The following MIA3 variants were observed in gnomAD, a reference collection of about 807,000 sequenced individuals.
MIA3 encodes the protein MIA SH3 domain ER export factor 3, also known as transport and Golgi organization protein 1 homolog.
Under a neutral mutation model 192.4 loss-of-function variants are expected in MIA3, and 90 were observed. That is an observed-to-expected ratio of 0.47 (90% CI 0.39 to 0.56). MIA3 has a LOEUF of 0.56. Among genes scored for constraint, MIA3 ranks in the 20% least tolerant of loss-of-function variants. The probability of loss-of-function intolerance (pLI) is 0.00; values close to 1 mark genes in which losing one functional copy is unlikely to be tolerated. For synonymous variants in MIA3, 740 were observed against 792.8 expected, an observed-to-expected ratio of 0.93 and a Z score of 1.12; for missense variants, 2,123 against 2,269.4, an observed-to-expected ratio of 0.94 and a Z score of 1.31.
chr1:222,640,568 A>G (rs918711856), intron 6 of MIA3, among the ~76,000 whole-genome samples: 1 of 152,198 alleles, frequency 6.6e-6, no homozygotes, highest in African/African-American at 2.4e-5. Context: ...TTTATATGCA[A>G]AAAATTGATC....
intron 5 of MIA3, among the ~76,000 whole-genome samples, chr1:222,632,576 A>C (rs1662447674): frequency 6.6e-6 from 1 of 152,308 alleles, no homozygotes; most frequent in East Asian, 1.9e-4. Flanking sequence ...TCAATCTAAA[A>C]TATTATTCTT....
intron 1 of MIA3, among the ~76,000 whole-genome samples, chr1:222,620,849 G>A (rs543020724): frequency 6.6e-6 from 1 of 152,344 alleles, no homozygotes; most frequent in African/African-American, 2.4e-5. Flanking sequence ...AGAGGGAATC[G>A]AGAGTTTCAC....
intron 18 of MIA3, among the ~76,000 whole-genome samples, chr1:222,657,707 C>T (rs1200510002): frequency 6.6e-6 from 1 of 152,208 alleles, no homozygotes; most frequent in Non-Finnish European, 1.5e-5. Context: ...ACCTTTTACA[C>T]ATTCAGCTGT....
intron 6 of MIA3, among the ~76,000 whole-genome samples, chr1:222,634,791 A>G (rs1011279097): frequency 6.6e-6 from 1 of 152,220 alleles, no homozygotes; most frequent in African/African-American, 2.4e-5. Flanking sequence ...TTTTTCTGTT[A>G]AAATCCATGG....
At chr1:222,620,066 T>C (rs531158925) in intron 1 of MIA3, among the ~76,000 whole-genome samples, 1 of 152,324 alleles carries the variant, frequency 6.6e-6, no homozygotes, top group East Asian at 1.9e-4. Flanking sequence ...CTCAATTATA[T>C]CTGAGCTACA....
chr1:222,664,096 A>G lies in MIA3; in HGVS notation c.5361A>G (p.Pro1787=), dbSNP rs201465235. 17 of 1,614,114 alleles carry G rather than the reference A, an allele frequency of 1.1e-5. No homozygotes were observed. The highest frequency in any genetic ancestry group is 5.0e-5 in the Admixed American group (3 of 60,012). Residue 1787 remains proline (P), a synonymous_variant, in exon 27 of 28, where the codon CCA becomes CCG. Coordinates refer to ENST00000344922, the MANE Select transcript of MIA3 (RefSeq NM_198551.4). ...TACCACCACCCATTCGATATGGACC[A>G]CCACCTCAGCTCTGCGGACCTTTTG... ...GPVPPPIRYG[P]PPQLCGPFGP...
In MIA3 at chr1:222,653,600, T is replaced by TG. The variant is rs144595366; in HGVS notation, c.4321+261_4321+262insG. ...CTGCACTGGTCATGTCTTACACCTC[T>TG]AAGTATTGGACACATACAGTAGTAG... On this transcript the variant is annotated intron_variant, in intron 15 of 27. Transcript: ENST00000344922. 4.6e-3 allele frequency among the ~76,000 whole-genome samples: 700 copies of TG among 152,364 alleles called. 4 individuals carry two copies. The highest frequency in any genetic ancestry group is 0.016 in the African/African-American group (663 of 41,586).
Position 222,651,980 on chromosome 1 carries a change from T to C in MIA3, c.3913T>C (p.Ser1305Pro), listed in dbSNP as rs747620034. 1 of 1,540,876 alleles carries C rather than the reference T, an allele frequency of 6.5e-7. No homozygotes were observed. The highest frequency in any genetic ancestry group is 1.7e-5 in the Admixed American group (1 of 59,670). The change falls in exon 12 of 28, where the codon TCA becomes CCA. Residue 1305 changes from serine to proline, a missense_variant. By Grantham distance (74) the Ser-to-Pro change is moderately conservative. This residue lies in a region of MIA3 where 762 missense variants were observed against 856.4 expected (regional missense o/e 0.89). Transcript: ENST00000344922. ...GTGTTCTGTTTTTACATGGCAGATA[T>C]CAGAAAACAAGAAATCTATAGAGAA... Reference protein sequence around the residue: ...EQNVKNQDLISENKKSIEKLK... With the variant: ...EQNVKNQDLIPENKKSIEKLK...
At chr1:222,648,410 T>G (rs1663255670) in intron 7 of MIA3, among the ~76,000 whole-genome samples, 1 of 152,228 alleles carries the variant, frequency 6.6e-6, no homozygotes, top group Non-Finnish European at 1.5e-5. Context: ...CTCAGAGTCT[T>G]TTTGAGTAGT....
At chr1:222,641,200 ATTC>A (rs1218108037) in intron 6 of MIA3, among the ~76,000 whole-genome samples, 1 of 152,234 alleles carries the variant, frequency 6.6e-6, no homozygotes, top group Non-Finnish European at 1.5e-5. Flanking sequence ...TGATCCAGCC[ATTC>A]TTCTCCTAAA....
At chr1:222,641,016 C>G (rs1404401047) in intron 6 of MIA3, among the ~76,000 whole-genome samples, 1 of 152,190 alleles carries the variant, frequency 6.6e-6, no homozygotes, top group Non-Finnish European at 1.5e-5. Flanking sequence ...GAATGAGTTA[C>G]CACTACACAC....
chr1:222,632,066 T>C, intron 4 of MIA3, 99 bp from the exon 5 acceptor site: 1 of 1,009,304 alleles, frequency 9.9e-7, no homozygotes, highest in Non-Finnish European at 1.5e-6. Flanking sequence ...TGCCCATGCA[T>C]GGAGGTCAAT....
chr1:222,662,355 A>G, intron 26 of MIA3, 23 bp downstream of exon 26: 1 of 1,606,502 alleles, frequency 6.2e-7, no homozygotes, highest in Non-Finnish European at 8.5e-7. Context: ...ATTTTGAATA[A>G]TTAGTTATTT....
rs890615953 is a variant in MIA3 at position 222,654,453 on chromosome 1, C to G, written c.4442C>G (p.Ser1481Cys). 1.2e-6 allele frequency: 2 copies of G among 1,613,408 alleles called. No homozygotes were observed. The highest frequency in any genetic ancestry group is 1.7e-5 in the Admixed American group (1 of 59,994). The stretch of plus-strand genomic sequence containing the variant: ...CTTTTACAGCTTAAGCTAAGAGCCT[C>G]CGTGTCCACTAAATGTAACCTGGAA... ...LKLLQLKLRA[S>C]VSTKCNLEDQ... The change falls in exon 17 of 28, where the codon TCC becomes TGC. Residue 1481 changes from serine to cysteine, a missense_variant. Physicochemically the swap from Ser to Cys is moderately radical, Grantham distance 112. This residue lies in a region of MIA3 where 762 missense variants were observed against 856.4 expected (regional missense o/e 0.89). Transcript: ENST00000344922.
chr1:222,629,894 C>A lies in MIA3; in HGVS notation c.2674C>A (p.Gln892Lys). The change falls in exon 4 of 28, where the codon CAG becomes AAG. Residue 892 changes from glutamine (Q) to lysine (K), a missense_variant. Gln to Lys is a moderately conservative substitution (Grantham distance 53). Coordinates refer to ENST00000344922, the MANE Select transcript of MIA3 (RefSeq NM_198551.4). Reference sequence around the variant, plus strand: ...AGAGAAGTACATGGGCACAGAAAGCCAGGGGTCTGCTGCTGCAGAACCTGA... The same window carrying A: ...AGAGAAGTACATGGGCACAGAAAGCAAGGGGTCTGCTGCTGCAGAACCTGA... ...NTEKYMGTES[Q>K]GSAAAEPEDD... 8.7e-6 allele frequency: 14 copies of A among 1,614,016 alleles called. No individual in the cohort carries two copies. The highest frequency in any genetic ancestry group is 1.2e-5 in the Non-Finnish European group (14 of 1,180,004).
At chr1:222,653,164 G>C in intron 14 of MIA3, 34 bp downstream of exon 14, 1 of 1,595,744 alleles carries the variant, frequency 6.3e-7, no homozygotes, top group Non-Finnish European at 8.6e-7. Context: ...CTTAATTCTT[G>C]TGAATTATCA....
chr1:222,619,280 G>A (rs1265608175), intron 1 of MIA3, among the ~76,000 whole-genome samples: 1 of 152,200 alleles, frequency 6.6e-6, no homozygotes, highest in Admixed American at 6.5e-5. Context: ...CTCCCAGACC[G>A]TCTCAACCTT....
chr1:222,621,108 A>T (rs1254803562), intron 1 of MIA3, 51 bp from the exon 2 acceptor site: 3 of 1,496,720 alleles, frequency 2.0e-6, no homozygotes. Context: ...ATGCACTGTG[A>T]ACACTGAATC....
At chr1:222,660,710 G>T in intron 24 of MIA3, 1 of 180,718 alleles carries the variant, frequency 5.5e-6, no homozygotes, top group East Asian at 1.6e-4. Flanking sequence ...TAATTTGAAA[G>T]AACTTGCAGA....
Sources: gnomAD v4.1 joint callset for allele counts (sites outside exome capture counted in the v4.1 genomes callset) on GRCh38, gnomAD v4.1.1 for gene constraint, gnomAD v4.1.1 regional missense constraint, MANE v1.5 for transcripts, NCBI Gene and HGNC (gene_info 2026-07-23, HGNC 2026-07-21) for gene names.